The following ANXA9 variants were observed in gnomAD, a reference collection of about 807,000 sequenced individuals.
ANXA9 encodes annexin 31.
In ANXA9, 47 loss-of-function variants were observed where a neutral mutation model predicts 51.8. The observed-to-expected ratio is 0.91, with a 90% CI of 0.72 to 1.16. The LOEUF (loss-of-function observed/expected upper bound fraction) is 1.16, where lower values mean the gene tolerates loss of function less well. ANXA9 is among the 50% of genes most tolerant of loss of function. The pLI, the probability that ANXA9 is intolerant of heterozygous loss-of-function variation, is 0.00. For synonymous variants in ANXA9, 154 were observed against 168.7 expected, an observed-to-expected ratio of 0.91 and a Z score of 0.68; for missense variants, 361 against 424.7, an observed-to-expected ratio of 0.85 and a Z score of 1.32.
intron 7 of ANXA9, among the ~76,000 whole-genome samples, chr1:150,985,167 GTC>G (rs1227557728): frequency 2.1e-4 from 29 of 141,304 alleles, no homozygotes; most frequent in East Asian, 1.2e-3. Context: ...GTGAGAGCAT[GTC>G]TCTCTCTCTC....
intron 13 of ANXA9, 131 bp from the exon 14 acceptor site, chr1:150,995,129 C>T: frequency 1.1e-6 from 1 of 898,384 alleles, no homozygotes; most frequent in Non-Finnish European, 1.7e-6. Context: ...TAATGTAGTG[C>T]AGGACTCTGA....
Position 150,986,394 on chromosome 1 carries a change from C to A in ANXA9, c.531C>A (p.Asp177Glu), listed in dbSNP as rs773625149. The A allele has an allele frequency of 6.2e-7, 1 of 1,614,098 alleles. No individual in the cohort carries two copies. The highest frequency in any genetic ancestry group is 8.5e-7 in the Non-Finnish European group (1 of 1,179,988). The change falls in exon 8 of 14, where the codon GAC (aspartate) becomes GAA (glutamate). Residue 177 changes from aspartate to glutamate, a missense_variant. By Grantham distance (45) the Asp-to-Glu change is conservative. Coordinates refer to ENST00000368947, the MANE Select transcript of ANXA9 (RefSeq NM_003568.3). ...ITSETSGILQ[D>E]LLLALAKGGR... ...CTGAGACCAGTGGCATCTTGCAGGA[C>A]CTGCTGTTGGCCCTGGCCAAGGTGA... is the stretch of plus-strand genomic sequence containing the variant.
At chr1:150,992,088 A>T (rs1364816848) in intron 12 of ANXA9, among the ~76,000 whole-genome samples, 3 of 152,092 alleles carry the variant, frequency 2.0e-5, no homozygotes, top group African/African-American at 7.2e-5. Flanking sequence ...TTTATGAGAG[A>T]TATGTAGATA....
intron 12 of ANXA9, among the ~76,000 whole-genome samples, chr1:150,991,840 C>T (rs1479637854): frequency 6.6e-6 from 1 of 151,848 alleles, no homozygotes; most frequent in East Asian, 1.9e-4. Context: ...GATCTTGGCT[C>T]ACTGCAACCT....
rs1473046475 is a variant in ANXA9 at position 150,987,388 on chromosome 1, A to T, written c.613-484A>T. Among the ~76,000 whole-genome samples, 9 of 151,138 alleles carry T rather than the reference A, an allele frequency of 6.0e-5. No homozygotes were observed. In the East Asian group the frequency reaches 1.8e-3, roughly 30 times the overall value. On this transcript the variant is annotated intron_variant, in intron 9 of 13. Transcript: ENST00000368947. ...CTCTCTCTCTCTCTCTCTCACACAC[A>T]CACACACACACACACGCACACACAC...
At chr1:150,983,278 T>A (rs1671458497) in intron 3 of ANXA9, 60 bp from the exon 4 acceptor site, 1 of 1,601,380 alleles carries the variant, frequency 6.2e-7, no homozygotes, top group Non-Finnish European at 8.5e-7. Flanking sequence ...CCTGAGGTTA[T>A]GCTGAGGAGG....
rs587664269 is a variant in ANXA9, at chr1:150,992,581, G to A, written c.853-1996G>A. On this transcript the variant is annotated intron_variant, in intron 12 of 13. Coordinates refer to ENST00000368947, the MANE Select transcript of ANXA9 (RefSeq NM_003568.3). ...AAACCATATATATATATGCTGAAGC[G>A]AGCAGATCACTTGAGGTCAGGAGTT... Among the ~76,000 whole-genome samples the A allele has an allele frequency of 2.6e-5, 4 of 151,648 alleles. No individual in the cohort carries two copies. The South Asian group carries it at 6.3e-4, about 24-fold the overall frequency.
At chr1:150,979,268 G>T (rs1571683511), upstream of ANXA9, among the ~76,000 whole-genome samples, 1 of 151,886 alleles carries the variant, frequency 6.6e-6, no homozygotes, top group African/African-American at 2.4e-5. Context: ...TGCCGGCCAG[G>T]AGCCCCTTGG....
upstream of ANXA9, chr1:150,981,934 G>C (rs757538407): frequency 2.0e-5 from 3 of 152,400 alleles, no homozygotes; most frequent in Admixed American, 2.0e-4. Flanking sequence ...CTGCCCCCCA[G>C]GGAGCTGGAG....
upstream of ANXA9, among the ~76,000 whole-genome samples, chr1:150,978,828 G>T (rs1334096875): frequency 6.6e-6 from 1 of 152,034 alleles, no homozygotes; most frequent in Admixed American, 6.6e-5. Flanking sequence ...GCTGGGCATG[G>T]TGGTGCATGC....
chr1:150,978,543 G>T (rs1156812762), upstream of ANXA9, among the ~76,000 whole-genome samples: 1 of 152,186 alleles, frequency 6.6e-6, no homozygotes, highest in African/African-American at 2.4e-5. Context: ...CTGAGAGGGA[G>T]CCCAAATCTG....
chr1:150,982,271 GC>G (rs1671427141), upstream of ANXA9: 1 of 152,534 alleles, frequency 6.6e-6, no homozygotes, highest in South Asian at 2.1e-4. Context: ...TTCAGCCTAG[GC>G]TGCACACACC....
At chr1:150,985,190 T>TCACACA (rs768559320) in intron 7 of ANXA9, among the ~76,000 whole-genome samples, 27 of 146,948 alleles carry the variant, frequency 1.8e-4, no homozygotes, top group Non-Finnish European at 2.7e-4. Context: ...TCTCTCTCTC[T>TCACACA]CACACACACA....
rs370665793 is a variant in ANXA9 at position 150,983,430 on chromosome 1, C to T, written c.168C>T (p.Gly56=). 1.4e-5 allele frequency: 22 copies of T among 1,608,558 alleles called. No homozygotes were observed. Among genetic ancestry groups the T allele is most frequent in the Middle Eastern group, 1.6e-4 (1 of 6,078 alleles). ...AGAGGCTACTGAGGGCCATTACTGG[C>T]CAAGGTGAGCCCCTTTCCCCCGGCA... The part of the protein sequence containing the change: ...DAQRLLRAIT[G]QGVDRSAIVD... Residue 56 remains glycine, a synonymous_variant, in exon 4 of 14, where the codon GGC becomes GGT. Transcript: ENST00000368947.
At chr1:150,984,165 T>C in intron 5 of ANXA9, 96 bp downstream of exon 5, 2 of 1,532,832 alleles carry the variant, frequency 1.3e-6, no homozygotes, top group Non-Finnish European at 1.8e-6. Flanking sequence ...CAGCCCCTGC[T>C]TCCTGGCTAA....
At chr1:150,984,210 C>T in intron 5 of ANXA9, 71 bp from the exon 6 acceptor site, 1 of 1,553,002 alleles carries the variant, frequency 6.4e-7, no homozygotes, top group South Asian at 1.1e-5. Flanking sequence ...CAAATCTTCC[C>T]AAACCTCCCC....
intron 4 of ANXA9, 99 bp downstream of exon 4, chr1:150,983,533 T>G: frequency 8.5e-7 from 1 of 1,180,290 alleles, no homozygotes; most frequent in Non-Finnish European, 1.2e-6. Context: ...TGGAGAAATG[T>G]TTGTGGAATG....
chr1:150,986,359 G>A lies in ANXA9; in HGVS notation c.496G>A (p.Asp166Asn), dbSNP rs757962228. The A allele has an allele frequency of 1.2e-6, 2 of 1,614,142 alleles. No homozygotes were observed. The highest frequency in any genetic ancestry group is 1.7e-6 in the Non-Finnish European group (2 of 1,180,000). The change falls in exon 8 of 14, where the codon GAC (aspartate) becomes AAC (asparagine). Residue 166 changes from aspartate (D) to asparagine (N), a missense_variant. Transcript: ENST00000368947. ...AGATTTCCAGGTGGAGGCTGTGGAT[G>A]ACATCACATCTGAGACCAGTGGCAT... ...KHNFQVEAVD[D>N]ITSETSGILQ...
chr1:150,978,297 G>A (rs915462317), upstream of ANXA9, among the ~76,000 whole-genome samples: 2 of 151,996 alleles, frequency 1.3e-5, no homozygotes, highest in African/African-American at 4.8e-5. Flanking sequence ...TGGGTGTGGT[G>A]GTGGGCCCTG....
Sources: allele counts gnomAD v4.1 joint callset (sites outside exome capture counted in the v4.1 genomes callset), GRCh38; gene constraint gnomAD v4.1.1; transcripts MANE v1.5; gene names NCBI Gene and HGNC (gene_info 2026-07-23, HGNC 2026-07-21).